The following PARD3B variants were observed in gnomAD, a reference collection of about 807,000 sequenced individuals.
PARD3B encodes the protein partitioning defective 3 homolog B.
In PARD3B, 103 loss-of-function variants were observed where a neutral mutation model predicts 130.2. The observed-to-expected ratio is 0.79, with a 90% CI of 0.67 to 0.93. PARD3B has a LOEUF of 0.93. PARD3B is among the 40% of genes least tolerant of loss of function. The pLI is 0.00. For synonymous variants in PARD3B, 583 were observed against 553.2 expected (o/e 1.05, Z -0.76); for missense variants, 1,609 against 1,499.2 (o/e 1.07, Z -1.21).
At chr2:205,150,259 ACG>A (rs2033665926) in intron 10 of PARD3B, among the ~76,000 whole-genome samples, 1 of 93,976 alleles carries the variant, frequency 1.1e-5, no homozygotes, top group Non-Finnish European at 2.3e-5. Flanking sequence ...GTGTGCACAC[ACG>A]CTTGAAATCT....
rs144394107 is a variant in PARD3B at position 204,669,255 on chromosome 2, A to C, written c.121-16926A>C. The stretch of plus-strand genomic sequence containing the variant: ...ACATTCTAGATACCAGGCATTTATA[A>C]TTTTTCCTAGAAGAGTTAGCCTATT... On this transcript the variant is annotated intron_variant, in intron 1 of 22. Transcript: ENST00000406610. The surrounding 1 kb of genome is among the most constrained non-coding windows in gnomAD (Gnocchi z 4.3). 6.5e-3 allele frequency among the ~76,000 whole-genome samples: 996 copies of C among 152,196 alleles called. 2 individuals carry two copies. The highest frequency in any genetic ancestry group is 0.016 in the South Asian group (78 of 4,820).
At chr2:204,633,429 GCAT>G (rs1220692354) in intron 1 of PARD3B, among the ~76,000 whole-genome samples, 1 of 152,098 alleles carries the variant, frequency 6.6e-6, no homozygotes, top group African/African-American at 2.4e-5. Flanking sequence ...TCTAGAAATA[GCAT>G]CATATTTTCA....
rs1004818218 is a variant in PARD3B, at chr2:205,461,381, A to G, written c.3044+20709A>G. On this transcript the variant is annotated intron_variant, in intron 20 of 22. Transcript: ENST00000406610. The surrounding 1 kb of genome is among the most constrained non-coding windows in gnomAD (Gnocchi z 4.3). The stretch of plus-strand genomic sequence containing the variant: ...AGAGGATAAAGAGCAGAGGCTTAGT[A>G]AATGGATGAGTCAGTCTGCCTGGCG... Among the ~76,000 whole-genome samples the G allele has an allele frequency of 7.9e-5, 12 of 152,216 alleles. No homozygotes were observed. The highest frequency in any genetic ancestry group is 2.7e-4 in the African/African-American group (11 of 41,468).
intron 21 of PARD3B, among the ~76,000 whole-genome samples, chr2:205,531,121 T>G (rs2051570500): frequency 6.6e-6 from 1 of 152,196 alleles, no homozygotes; most frequent in African/African-American, 2.4e-5. Context: ...TTTTTCTTCT[T>G]CCAACGTATG....
chr2:205,106,889 G>A (rs13414808), intron 5 of PARD3B, among the ~76,000 whole-genome samples: 9,762 of 152,228 alleles, frequency 0.064, 371 homozygotes, highest in Middle Eastern at 0.19. Flanking sequence ...GGGAAAGCTT[G>A]GAGGTTACAG....
intron 3 of PARD3B, among the ~76,000 whole-genome samples, chr2:204,993,685 T>A (rs2125249345): frequency 1.6e-5 from 2 of 127,206 alleles, no homozygotes; most frequent in Non-Finnish European, 3.4e-5. Flanking sequence ...TCTGGTAGAA[T>A]TCGGCTGTGA....
At chr2:205,354,760 T>C (rs2044132003) in intron 18 of PARD3B, among the ~76,000 whole-genome samples, 1 of 152,204 alleles carries the variant, frequency 6.6e-6, no homozygotes, top group South Asian at 2.1e-4. Context: ...CGCAGGGATC[T>C]TTCCAGAGCA....
chr2:205,284,190 G>A (rs567517908), intron 16 of PARD3B, among the ~76,000 whole-genome samples: 2 of 152,252 alleles, frequency 1.3e-5, no homozygotes, highest in Middle Eastern at 3.4e-3. Flanking sequence ...AAAGAAAATC[G>A]TTCCATCTTG....
At chr2:204,908,945 A>G (rs1039926760) in intron 2 of PARD3B, among the ~76,000 whole-genome samples, 2 of 152,340 alleles carry the variant, frequency 1.3e-5, no homozygotes, top group East Asian at 1.9e-4. Context: ...CTTAAGGCCC[A>G]TATAAAGGCA....
At chr2:205,555,435 T>C (rs1286909906) in intron 22 of PARD3B, among the ~76,000 whole-genome samples, 1 of 152,208 alleles carries the variant, frequency 6.6e-6, no homozygotes, top group Non-Finnish European at 1.5e-5. Context: ...TTGTAATTAT[T>C]AAAGTCTTCT....
At chr2:205,532,936 G>T (rs1320841826) in intron 21 of PARD3B, among the ~76,000 whole-genome samples, 1 of 152,162 alleles carries the variant, frequency 6.6e-6, no homozygotes, top group Admixed American at 6.5e-5. Flanking sequence ...AAAGTGTGCT[G>T]CTGAATATGA....
chr2:205,061,318 T>TGGTTAAGA (rs2125455534), intron 4 of PARD3B, among the ~76,000 whole-genome samples: 1 of 152,002 alleles, frequency 6.6e-6, no homozygotes, highest in African/African-American at 2.4e-5. Flanking sequence ...AAGGCTAGAG[T>TGGTTAAGA]GGTTAAGAAC....
chr2:205,175,823 C>T, intron 12 of PARD3B, among the ~76,000 whole-genome samples: 1 of 152,254 alleles, frequency 6.6e-6, no homozygotes, highest in African/African-American at 2.4e-5. Flanking sequence ...GGGTGTTACT[C>T]TGGATACAGC....
intron 16 of PARD3B, among the ~76,000 whole-genome samples, chr2:205,254,664 A>ATT (rs199515695): frequency 3.1e-5 from 4 of 128,358 alleles, no homozygotes; most frequent in Non-Finnish European, 3.3e-5. Context: ...ATTTTATTTT[A>ATT]TTTTATTTTT....
Position 205,198,812 on chromosome 2 carries a change from G to A in PARD3B, c.2140+5492G>A, listed in dbSNP as rs143336273. Among the ~76,000 whole-genome samples the A allele has an allele frequency of 2.6e-5, 4 of 151,864 alleles. No individual in the cohort carries two copies. The East Asian group carries it at 5.8e-4, about 22-fold the overall frequency. On this transcript the variant is annotated intron_variant, in intron 15 of 22. Coordinates refer to ENST00000406610, the MANE Select transcript of PARD3B (RefSeq NM_001302769.2). ...TACATAGGATAATTTTTATAAAATT[G>A]TATATTCTAATAAGTGTGATGCTGG... is the stretch of plus-strand genomic sequence containing the variant.
At position 204,967,872 on chromosome 2, in the gene PARD3B, C is replaced by T. The variant is rs538334838; in HGVS notation, c.394+2549C>T. 6.6e-6 allele frequency among the ~76,000 whole-genome samples: 1 copy of T among 152,204 alleles called. No individual in the cohort carries two copies. Among genetic ancestry groups the T allele is most frequent in the African/African-American group, 2.4e-5 (1 of 41,544 alleles). ...CTTCTGGGAGTGTGACCTGGCTGTC[C>T]TGTCTGGTCCACCCTGAAAGCCTGC... is the stretch of plus-strand genomic sequence containing the variant. On this transcript the variant is annotated intron_variant, in intron 3 of 22. Transcript: ENST00000406610. The surrounding 1 kb of genome is among the most constrained non-coding windows in gnomAD (Gnocchi z 4.4).
chr2:204,896,853 C>T (rs2046658282), intron 2 of PARD3B, among the ~76,000 whole-genome samples: 1 of 152,120 alleles, frequency 6.6e-6, no homozygotes, highest in African/African-American at 2.4e-5. Flanking sequence ...TTGGAGGTCA[C>T]AGAATAAGAA....
At chr2:205,036,265 A>G (rs1388917635) in intron 3 of PARD3B, among the ~76,000 whole-genome samples, 1 of 146,894 alleles carries the variant, frequency 6.8e-6, no homozygotes, top group East Asian at 2.0e-4. Context: ...ATAGTGGGCT[A>G]TATATATAAA....
chr2:204,929,432 T>C (rs1243215249), intron 2 of PARD3B, among the ~76,000 whole-genome samples: 1 of 152,182 alleles, frequency 6.6e-6, no homozygotes, highest in African/African-American at 2.4e-5. Context: ...TTAACATTAC[T>C]ATCTTATACT....
Sources: allele counts gnomAD v4.1 joint callset (sites outside exome capture counted in the v4.1 genomes callset), GRCh38; gene constraint gnomAD v4.1.1; non-coding constraint Gnocchi (gnomAD v3.1); transcripts MANE v1.5; gene names NCBI Gene and HGNC (gene_info 2026-07-23, HGNC 2026-07-21).